Variants in CNTN6 observed in about 807,000 individuals in gnomAD.
CNTN6 encodes contactin 6, also known as contactin-6.
A neutral mutation model predicts 122.8 loss-of-function variants in CNTN6; 137 were observed. The observed-to-expected ratio is 1.12, with a 90% CI of 0.97 to 1.29. The LOEUF (loss-of-function observed/expected upper bound fraction) is 1.29, where lower values mean the gene tolerates loss of function less well. Among genes scored for constraint, CNTN6 ranks in the 50% most tolerant of loss-of-function variants. CNTN6 has a pLI of 0.00. For synonymous variants in CNTN6, 570 were observed against 426.0 expected (o/e 1.34, Z -4.16); for missense variants, 1,634 against 1,223.4 (o/e 1.34, Z -5.01).
intron 2 of CNTN6, among the ~76,000 whole-genome samples, chr3:1,197,400 C>T (rs1420699749): frequency 6.6e-6 from 1 of 152,144 alleles, no homozygotes; most frequent in Non-Finnish European, 1.5e-5. Context: ...TGCTAATCGG[C>T]CTTTGTGATT....
At chr3:1,338,161 A>C (rs17037960) in intron 11 of CNTN6, among the ~76,000 whole-genome samples, 4,578 of 152,242 alleles carry the variant, frequency 0.03, 227 homozygotes, top group African/African-American at 0.1. Context: ...CCAAGGGTAA[A>C]TAGGAGAAAA....
chr3:1,280,762 G>C (rs1693268025), intron 5 of CNTN6, among the ~76,000 whole-genome samples: 1 of 151,870 alleles, frequency 6.6e-6, no homozygotes, highest in Non-Finnish European at 1.5e-5. Context: ...ACCGCACCTG[G>C]TCCGAGATTT....
At chr3:1,373,500 A>C (rs1157674388) in intron 14 of CNTN6, 104 bp from the exon 15 acceptor site, 1 of 1,048,918 alleles carries the variant, frequency 9.5e-7, no homozygotes, top group Non-Finnish European at 1.4e-6. Flanking sequence ...ATTATGGTCA[A>C]TATTTTACTT....
At chr3:1,149,345 T>A (rs2092790150) in intron 2 of CNTN6, among the ~76,000 whole-genome samples, 1 of 152,174 alleles carries the variant, frequency 6.6e-6, no homozygotes, top group African/African-American at 2.4e-5. Flanking sequence ...TGATAGGTAC[T>A]AGTGAAGTTT....
At chr3:1,152,736 G>T (rs2092875312) in intron 2 of CNTN6, among the ~76,000 whole-genome samples, 1 of 152,260 alleles carries the variant, frequency 6.6e-6, no homozygotes, top group South Asian at 2.1e-4. Flanking sequence ...TATTAAAAAT[G>T]TTTAATAAAG....
intron 1 of CNTN6, among the ~76,000 whole-genome samples, chr3:1,112,668 G>A (rs572682529): frequency 3.9e-5 from 6 of 152,124 alleles, no homozygotes; most frequent in African/African-American, 1.4e-4. Flanking sequence ...ATTTCTTCTG[G>A]AAATGTCCTT....
rs2095052717 is a variant in CNTN6 at position 1,273,107 on chromosome 3, A to G, written c.359-5306A>G. Reference sequence around the variant, plus strand: ...CCAAATGCTTCCTCCAAAACCAGCAATCAAACCACAGGACATGATAAGCCA... The same window carrying G: ...CCAAATGCTTCCTCCAAAACCAGCAGTCAAACCACAGGACATGATAAGCCA... On this transcript the variant is annotated intron_variant, in intron 4 of 22. Transcript: ENST00000446702. 1.3e-5 allele frequency among the ~76,000 whole-genome samples: 2 copies of G among 152,156 alleles called. 1 individual carries two copies. The highest frequency in any genetic ancestry group is 2.9e-5 in the Non-Finnish European group (2 of 68,022).
chr3:1,397,151 G>A (rs775976247), intron 20 of CNTN6, among the ~76,000 whole-genome samples: 13 of 152,094 alleles, frequency 8.5e-5, no homozygotes, highest in Non-Finnish European at 1.6e-4. Flanking sequence ...GGGCCTAAGA[G>A]CAATTAAACC....
rs34799447 is a variant in CNTN6, at chr3:1,214,301, C to CTTTTTTT, written c.56-6368_56-6362dup. 1.5e-3 allele frequency among the ~76,000 whole-genome samples: 67 copies of CTTTTTTT among 44,030 alleles called. 4 individuals are homozygous for CTTTTTTT. Among genetic ancestry groups the CTTTTTTT allele is most frequent in the Admixed American group, 3.2e-3 (8 of 2,490 alleles). 28.9% of individuals were successfully genotyped at this position (44,030 alleles called of 152,430 possible). A position where few individuals can be genotyped will look rare whatever the true frequency, so the allele number is the denominator to read the frequency against. ...TTGTTCAAATGTGTTTGTTGGATGT[C>CTTTTTTT]TTTTTTTTTTTTTTTTTTTTTTTTG... On this transcript the variant is annotated intron_variant, in intron 2 of 22. Transcript: ENST00000446702.
chr3:1,310,927 G>C (rs946067418), intron 7 of CNTN6, among the ~76,000 whole-genome samples: 6 of 152,006 alleles, frequency 3.9e-5, no homozygotes, highest in Non-Finnish European at 5.9e-5. Flanking sequence ...CTTGAACCCG[G>C]GAGGCAGAAG....
At chr3:1,157,191 CT>C (rs141760155) in intron 2 of CNTN6, among the ~76,000 whole-genome samples, 4 of 102,606 alleles carry the variant, frequency 3.9e-5, no homozygotes, top group African/African-American at 1.0e-4. Flanking sequence ...TAATTATACT[CT>C]TTTATTTATT....
chr3:1,165,907 A>G (rs1391920), intron 2 of CNTN6, among the ~76,000 whole-genome samples: 34,000 of 152,114 alleles, frequency 0.22, 4,226 homozygotes, highest in South Asian at 0.44. Context: ...CCCTCTGAAC[A>G]CACATTTTCA....
At chr3:1,261,994 A>C (rs2094853602) in intron 4 of CNTN6, among the ~76,000 whole-genome samples, 1 of 152,122 alleles carries the variant, frequency 6.6e-6, no homozygotes, top group Non-Finnish European at 1.5e-5. Context: ...ACTGGACTGC[A>C]CTTATGCTAT....
At chr3:1,175,227 A>C (rs931348161) in intron 2 of CNTN6, among the ~76,000 whole-genome samples, 8 of 150,384 alleles carry the variant, frequency 5.3e-5, no homozygotes, top group African/African-American at 1.7e-4. Context: ...TGTCTCAAAA[A>C]AAAAAAAAAA....
At chr3:1,158,770 ATATATATGTGTGTATATATGTG>A (rs1294832684) in intron 2 of CNTN6, among the ~76,000 whole-genome samples, 14 of 118,698 alleles carry the variant, frequency 1.2e-4, no homozygotes, top group East Asian at 4.7e-4. Flanking sequence ...ATATACACAC[ATATATATGTGTGTATATATGTG>A]TATATATATA....
At chr3:1,370,281 A>G (rs1327249216) in intron 12 of CNTN6, among the ~76,000 whole-genome samples, 1 of 151,934 alleles carries the variant, frequency 6.6e-6, no homozygotes, top group Non-Finnish European at 1.5e-5. Flanking sequence ...CATGTGCACA[A>G]CGTGGGAATT....
intron 5 of CNTN6, among the ~76,000 whole-genome samples, chr3:1,287,574 A>G (rs1694563680): frequency 1.3e-5 from 2 of 152,158 alleles, no homozygotes; most frequent in Non-Finnish European, 1.5e-5. Context: ...TGGCTATGAG[A>G]TAAGAGTCGG....
At chr3:1,323,593 G>A (rs1701152216) in intron 8 of CNTN6, among the ~76,000 whole-genome samples, 1 of 151,696 alleles carries the variant, frequency 6.6e-6, no homozygotes, top group South Asian at 2.1e-4. Context: ...CTGTTATATT[G>A]CTGTGTTTAA....
chr3:1,248,539 C>G lies in CNTN6; in HGVS notation c.358+20546C>G, dbSNP rs543453046. 7.2e-5 allele frequency among the ~76,000 whole-genome samples: 11 copies of G among 152,112 alleles called. No individual in the cohort carries two copies. In the East Asian group the frequency reaches 2.1e-3, roughly 29 times the overall value. On this transcript the variant is annotated intron_variant, in intron 4 of 22. Coordinates refer to ENST00000446702, the MANE Select transcript of CNTN6 (RefSeq NM_001289080.2). ...AGTGAAGTAATGTGCCCAAGGACAT[C>G]AAGAAATAGTGAAGTTGGGCCTGTA...
Sources: gnomAD v4.1 joint callset for allele counts (sites outside exome capture counted in the v4.1 genomes callset) on GRCh38, gnomAD v4.1.1 for gene constraint, MANE v1.5 for transcripts, NCBI Gene and HGNC (gene_info 2026-07-23, HGNC 2026-07-21) for gene names.